The following POLQ variants were observed in gnomAD, a reference collection of about 807,000 sequenced individuals.
The protein encoded by POLQ is DNA polymerase theta, also known as epididymis secretory sperm binding protein.
POLQ carries 233 observed loss-of-function variants against 259.2 expected under a neutral mutation model. That is an observed-to-expected ratio of 0.90 (90% CI 0.81 to 1.00). The LOEUF is 1.00. POLQ is among the 50% of genes least tolerant of loss of function. The probability of loss-of-function intolerance (pLI) is 0.00; values close to 1 mark genes in which losing one functional copy is unlikely to be tolerated. For missense variants in POLQ, 2,871 were observed against 3,051.6 expected (o/e 0.94, Z 1.39); for synonymous variants, 1,025 against 1,048.8 (o/e 0.98, Z 0.44).
At chr3:121,455,531 A>C (rs1238188836) in intron 25 of POLQ, among the ~76,000 whole-genome samples, 7 of 151,442 alleles carry the variant, frequency 4.6e-5, no homozygotes, top group East Asian at 1.9e-4. Context: ...ATAGACACAA[A>C]AAAAAAAGGA....
rs1553804289 is a variant in POLQ, at chr3:121,466,414, G to GGT, written c.6967+1104_6967+1105insAC. ...AAGAAATTACCATACACCTTAGCCAGGCGCAGTGGCTCACGCCTGTAATCC... is the reference window on the plus strand; with the variant it reads ...AAGAAATTACCATACACCTTAGCCAGGTGCGCAGTGGCTCACGCCTGTAATCC... On this transcript the variant is annotated intron_variant, in intron 24 of 29. Coordinates refer to ENST00000264233, the MANE Select transcript of POLQ (RefSeq NM_199420.4). Among the ~76,000 whole-genome samples, 6 of 149,288 alleles carry GGT rather than the reference G, an allele frequency of 4.0e-5. No homozygotes were observed. In the East Asian group the frequency reaches 1.2e-3, roughly 30 times the overall value.
At chr3:121,473,870 G>A (rs983897632) in intron 20 of POLQ, among the ~76,000 whole-genome samples, 2 of 151,880 alleles carry the variant, frequency 1.3e-5, no homozygotes, top group Non-Finnish European at 2.9e-5. Flanking sequence ...AGGGCCACAG[G>A]CATGCACCAC....
At chr3:121,505,968 G>A (rs1203041953) in intron 12 of POLQ, among the ~76,000 whole-genome samples, 1 of 147,302 alleles carries the variant, frequency 6.8e-6, no homozygotes, top group Non-Finnish European at 1.5e-5. Context: ...GTTGCAGTGA[G>A]CCGAGATTGC....
At chr3:121,519,780 T>C (rs969636110) in intron 9 of POLQ, 91 bp downstream of exon 9, 2 of 749,414 alleles carry the variant, frequency 2.7e-6, no homozygotes, top group East Asian at 2.4e-5. Flanking sequence ...AAATACAGCA[T>C]GATGAGAAAC....
At chr3:121,458,293 A>T (rs1279569520) in intron 25 of POLQ, among the ~76,000 whole-genome samples, 1 of 152,096 alleles carries the variant, frequency 6.6e-6, no homozygotes, top group African/African-American at 2.4e-5. Flanking sequence ...CTAAATGACG[A>T]GTTAATGGGT....
chr3:121,527,724 AC>A (rs1291623232), intron 7 of POLQ, among the ~76,000 whole-genome samples: 1 of 152,240 alleles, frequency 6.6e-6, no homozygotes, highest in Non-Finnish European at 1.5e-5. Flanking sequence ...TTAGAATGCC[AC>A]TACTTTTCTC....
intron 24 of POLQ, among the ~76,000 whole-genome samples, chr3:121,464,302 G>A (rs991456361): frequency 6.6e-6 from 1 of 152,086 alleles, no homozygotes; most frequent in Non-Finnish European, 1.5e-5. Flanking sequence ...CAAGGCTGGA[G>A]GATCACTCCT....
At chr3:121,533,598 C>G (rs1213556061) in intron 5 of POLQ, among the ~76,000 whole-genome samples, 1 of 152,196 alleles carries the variant, frequency 6.6e-6, no homozygotes, top group Non-Finnish European at 1.5e-5. Context: ...TCACTGCAAC[C>G]TCCGCCTCCC....
intron 5 of POLQ, among the ~76,000 whole-genome samples, chr3:121,536,793 T>C (rs1033302820): frequency 2.0e-5 from 3 of 152,094 alleles, no homozygotes; most frequent in Non-Finnish European, 4.4e-5. Context: ...TACAGGTGTG[T>C]GCCACCATGC....
chr3:121,440,259 T>C, intron 26 of POLQ, 143 bp from the exon 27 acceptor site: 1 of 574,652 alleles, frequency 1.7e-6, no homozygotes, highest in Non-Finnish European at 3.0e-6. Context: ...GCATGCGAAC[T>C]TTCATTCACT....
chr3:121,464,439 C>A (rs2108786027), intron 24 of POLQ, among the ~76,000 whole-genome samples: 1 of 152,104 alleles, frequency 6.6e-6, no homozygotes, highest in Admixed American at 6.5e-5. Flanking sequence ...AATCAATATG[C>A]AGTATAGTTT....
intron 18 of POLQ, among the ~76,000 whole-genome samples, chr3:121,482,441 A>G (rs1206416987): frequency 6.6e-6 from 1 of 151,318 alleles, no homozygotes; most frequent in East Asian, 1.9e-4. Context: ...AATCGCTTGA[A>G]CCTGGGAGGC....
intron 26 of POLQ, among the ~76,000 whole-genome samples, chr3:121,443,900 G>T (rs540093103): frequency 6.6e-6 from 1 of 152,246 alleles, no homozygotes; most frequent in East Asian, 1.9e-4. Context: ...CACTGTAGAT[G>T]TGTGGGTTTC....
chr3:121,461,870 C>T (rs1054830727), intron 24 of POLQ, among the ~76,000 whole-genome samples: 1 of 151,496 alleles, frequency 6.6e-6, no homozygotes, highest in Non-Finnish European at 1.5e-5. Context: ...GGGAAGGAAG[C>T]AAAGCTTCCC....
chr3:121,501,509 A>G (rs1175826938), intron 12 of POLQ, among the ~76,000 whole-genome samples: 1 of 150,438 alleles, frequency 6.6e-6, no homozygotes, highest in East Asian at 2.0e-4. Context: ...AATACAAAAA[A>G]TTAGCTGGGC....
chr3:121,437,400 G>A lies in POLQ; in HGVS notation c.7390-1125C>T, dbSNP rs188946342. Among the ~76,000 whole-genome samples the A allele has an allele frequency of 2.7e-3, 417 of 152,236 alleles. 3 individuals carry two copies. Among genetic ancestry groups the A allele is most frequent in the African/African-American group, 9.1e-3 (376 of 41,528 alleles). ...AAAACCAGAATAGGTATTTACCCAT[G>A]AAAAAATAACTAAATGGCTAATACA... On this transcript the variant is annotated intron_variant, in intron 27 of 29. Coordinates refer to ENST00000264233, the MANE Select transcript of POLQ (RefSeq NM_199420.4).
At chr3:121,454,621 CAA>C (rs1330216766) in intron 25 of POLQ, among the ~76,000 whole-genome samples, 2 of 152,036 alleles carry the variant, frequency 1.3e-5, no homozygotes, top group African/African-American at 4.8e-5. Flanking sequence ...CAACAAAGAT[CAA>C]AAGAGACAAA....
intron 14 of POLQ, among the ~76,000 whole-genome samples, chr3:121,496,539 G>A (rs1029296727): frequency 2.0e-5 from 3 of 151,992 alleles, no homozygotes; most frequent in Admixed American, 2.0e-4. Flanking sequence ...CTTGCAACAG[G>A]AAAAAGAAAA....
At chr3:121,473,540 A>C in intron 20 of POLQ, 53 bp from the exon 21 acceptor site, 1 of 1,441,218 alleles carries the variant, frequency 6.9e-7, no homozygotes, top group Non-Finnish European at 9.6e-7. Context: ...AAGGATTATC[A>C]TTCAGAAAAT....
Sources: allele counts gnomAD v4.1 joint callset (sites outside exome capture counted in the v4.1 genomes callset), GRCh38; gene constraint gnomAD v4.1.1; transcripts MANE v1.5; gene names NCBI Gene and HGNC (gene_info 2026-07-23, HGNC 2026-07-21).